TMEM169: variants seen among roughly 807,000 people sequenced by gnomAD.
TMEM169 encodes the protein transmembrane protein 169.
Under a neutral mutation model 27.3 loss-of-function variants are expected in TMEM169, and 18 were observed. The observed-to-expected ratio is 0.66, with a 90% CI of 0.46 to 0.98. The LOEUF (loss-of-function observed/expected upper bound fraction) is 0.98, where lower values mean the gene tolerates loss of function less well. Among genes scored for constraint, TMEM169 ranks in the 50% least tolerant of loss-of-function variants. TMEM169 has a pLI of 0.00. For missense variants in TMEM169, 320 were observed against 368.6 expected, an observed-to-expected ratio of 0.87 and a Z score of 1.08; for synonymous variants, 136 against 142.1, an observed-to-expected ratio of 0.96 and a Z score of 0.30.
intron 1 of TMEM169, among the ~76,000 whole-genome samples, chr2:216,094,244 A>G (rs929356272): frequency 1.3e-5 from 2 of 152,200 alleles, no homozygotes; most frequent in Non-Finnish European, 2.9e-5. Context: ...CAGTTATTTG[A>G]AAAGTGGGGA....
intron 1 of TMEM169, among the ~76,000 whole-genome samples, chr2:216,085,523 C>T (rs760119944): frequency 3.3e-5 from 5 of 152,066 alleles, no homozygotes; most frequent in Non-Finnish European, 7.3e-5. Context: ...GAGACAGTGG[C>T]CTCCTAGACC....
rs532736507 is a variant in TMEM169, at chr2:216,100,146, C to G, written c.498C>G (p.Ile166Met). ...CCCATGTGGTCCTCTGGACGCTGAT[C>G]TGCCTGCCTGTGGTTTTCATCCTTT... Reference protein sequence around the residue: ...RGPHVVLWTLICLPVVFILSF... With the variant: ...RGPHVVLWTLMCLPVVFILSF... The change falls in exon 3 of 3, where the codon ATC becomes ATG. Residue 166 changes from isoleucine to methionine, a missense_variant. Coordinates refer to ENST00000437356, the MANE Select transcript of TMEM169 (RefSeq NM_001142311.2). 14 of 1,614,170 alleles carry G rather than the reference C, an allele frequency of 8.7e-6. No homozygotes were observed. The East Asian group carries it at 1.6e-4, about 18-fold the overall frequency.
rs903363904 is a variant in TMEM169 at position 216,097,375 on chromosome 2, AC to A, written c.271+1145del. 7.2e-5 allele frequency among the ~76,000 whole-genome samples: 11 copies of A among 152,182 alleles called. No individual in the cohort carries two copies. In the East Asian group the frequency reaches 2.1e-3, roughly 29 times the overall value. On this transcript the variant is annotated intron_variant, in intron 2 of 2. Transcript: ENST00000437356. ...GTTTGAGACTGGCCAACATGGTGAA[AC>A]CCCGTCTCTACTAAAAATACAAAAA...
intron 1 of TMEM169, among the ~76,000 whole-genome samples, chr2:216,095,135 G>A (rs1353187854): frequency 1.0e-4 from 3 of 30,032 alleles, no homozygotes; most frequent in African/African-American, 6.4e-4. Flanking sequence ...ACAGAGTCTC[G>A]CTCCGTCACC....
In TMEM169 at chr2:216,102,113, A is replaced by G. The variant is rs1037789157; in HGVS notation, c.*1571A>G. On this transcript the variant is annotated 3_prime_UTR_variant, in exon 3 of 3. Coordinates refer to ENST00000437356, the MANE Select transcript of TMEM169 (RefSeq NM_001142311.2). ...GTGGTGGAGGTGGGACGAGGTGGTGATATTTAACCTAGATTAAAGACCAGG... is the reference window on the plus strand; with the variant it reads ...GTGGTGGAGGTGGGACGAGGTGGTGGTATTTAACCTAGATTAAAGACCAGG... 4.6e-5 allele frequency: 7 copies of G among 152,098 alleles called. No individual in the cohort carries two copies. The highest frequency in any genetic ancestry group is 8.8e-5 in the Non-Finnish European group (6 of 68,030). 9.4% of individuals were successfully genotyped at this position (152,098 alleles called of 1,614,324 possible).
Position 216,100,434 on chromosome 2 carries a change from G to A in TMEM169, c.786G>A (p.Leu262=). 2 of 1,613,918 alleles carry A rather than the reference G, an allele frequency of 1.2e-6. No homozygotes were observed. The highest frequency in any genetic ancestry group is 1.7e-6 in the Non-Finnish European group (2 of 1,179,996). Residue 262 remains leucine (L), a synonymous_variant, in exon 3 of 3, where the codon CTG becomes CTA. Transcript: ENST00000437356. ...FCGWLCSKLG[L]EDCSPYSIVE... Reference sequence around the variant, plus strand: ...GCTGGCTCTGCAGCAAGCTGGGTCTGGAGGACTGTTCTCCCTACAGCATTG... The same window carrying A: ...GCTGGCTCTGCAGCAAGCTGGGTCTAGAGGACTGTTCTCCCTACAGCATTG...
intron 2 of TMEM169, 46 bp downstream of exon 2, chr2:216,096,280 A>C: frequency 6.3e-7 from 1 of 1,581,580 alleles, no homozygotes; most frequent in Non-Finnish European, 8.6e-7. Context: ...GAAGGAAACC[A>C]AAAGGGCATC....
intron 1 of TMEM169, among the ~76,000 whole-genome samples, chr2:216,083,522 C>T (rs1232797545): frequency 6.6e-6 from 1 of 152,086 alleles, no homozygotes; most frequent in Non-Finnish European, 1.5e-5. Flanking sequence ...TGGTCTGGAC[C>T]TATAGATTCT....
intron 2 of TMEM169, among the ~76,000 whole-genome samples, chr2:216,098,540 T>A (rs933205720): frequency 6.6e-6 from 1 of 151,906 alleles, no homozygotes; most frequent in Non-Finnish European, 1.5e-5. Flanking sequence ...GTAAACAGAG[T>A]CCCTGCCACT....
intron 1 of TMEM169, among the ~76,000 whole-genome samples, chr2:216,095,298 G>T (rs1189642058): frequency 6.6e-6 from 1 of 151,772 alleles, no homozygotes; most frequent in African/African-American, 2.4e-5. Flanking sequence ...ATGTTGGCCA[G>T]GCTGGTCTCA....
intron 1 of TMEM169, among the ~76,000 whole-genome samples, chr2:216,085,883 A>C (rs1027354671): frequency 2.0e-5 from 3 of 149,582 alleles, no homozygotes; most frequent in Non-Finnish European, 4.5e-5. Flanking sequence ...AAAAAAAAAA[A>C]CAAAAACAAA....
chr2:216,096,012 C>G lies in TMEM169; in HGVS notation c.49C>G (p.His17Asp). 12 of 1,614,178 alleles carry G rather than the reference C, an allele frequency of 7.4e-6. No individual in the cohort carries two copies. Among genetic ancestry groups the G allele is most frequent in the Non-Finnish European group, 9.3e-6 (11 of 1,180,042 alleles). Residue 17 changes from histidine to aspartate, a missense_variant, in exon 2 of 3, where the codon CAC becomes GAC. Transcript: ENST00000437356. ...AGGCCAGGTCCAGCTTCCAAGCCCC[C>G]ACCAGGGCTCTCTCAGGAAGGCTGT... Reference protein sequence around the residue: ...VEGQVQLPSPHQGSLRKAVAA... With the variant: ...VEGQVQLPSPDQGSLRKAVAA...
intron 1 of TMEM169, among the ~76,000 whole-genome samples, chr2:216,085,590 G>A (rs1359276712): frequency 6.6e-6 from 1 of 151,854 alleles, no homozygotes; most frequent in Admixed American, 6.6e-5. Context: ...AATTATCTGG[G>A]CCGGGAGCAG....
At chr2:216,094,816 G>C (rs1181892614) in intron 1 of TMEM169, among the ~76,000 whole-genome samples, 1 of 152,196 alleles carries the variant, frequency 6.6e-6, no homozygotes, top group East Asian at 1.9e-4. Context: ...GCACTGTCCA[G>C]AACAGAAAGT....
chr2:216,101,653 A>AT lies in TMEM169; in HGVS notation c.*1121dup, dbSNP rs112724571. On this transcript the variant is annotated 3_prime_UTR_variant, in exon 3 of 3. Transcript: ENST00000437356. ...GCCACCATACCCGGCTAATTTTTGTATTTTTTTTTTAGTAGAGATGGGGTT... is the reference window on the plus strand; with the variant it reads ...GCCACCATACCCGGCTAATTTTTGTATTTTTTTTTTTAGTAGAGATGGGGTT... The AT allele has an allele frequency of 9.5e-5, 14 of 146,992 alleles. No individual in the cohort carries two copies. The highest frequency in any genetic ancestry group is 6.0e-4 in the East Asian group (3 of 4,998). 9.1% of individuals were successfully genotyped at this position (146,992 alleles called of 1,614,324 possible).
intron 1 of TMEM169, among the ~76,000 whole-genome samples, chr2:216,095,192 AT>A (rs1479743526): frequency 7.1e-6 from 1 of 140,660 alleles, no homozygotes; most frequent in Non-Finnish European, 1.5e-5. Context: ...GGCTCAAGCA[AT>A]TTTCCTGCCT....
Position 216,100,670 on chromosome 2 carries a change from A to C in TMEM169, c.*128A>C. The C allele has an allele frequency of 1.5e-6, 2 of 1,332,502 alleles. No homozygotes were observed. Among genetic ancestry groups the C allele is most frequent in the East Asian group, 2.4e-5 (1 of 40,916 alleles). 82.5% of individuals were successfully genotyped at this position (1,332,502 alleles called of 1,614,324 possible). ...TTCTGGGAAATCAGAGTCCATACTG[A>C]TCAGTTTTACCATCTTGAGGGTTCC... On this transcript the variant is annotated 3_prime_UTR_variant, in exon 3 of 3. Transcript: ENST00000437356.
chr2:216,083,598 C>T (rs908528672), intron 1 of TMEM169, among the ~76,000 whole-genome samples: 2 of 152,074 alleles, frequency 1.3e-5, no homozygotes, highest in African/African-American at 2.4e-5. Context: ...GGCTGCTGAG[C>T]GGACTGAGAG....
At chr2:216,094,789 G>T (rs1451261788) in intron 1 of TMEM169, among the ~76,000 whole-genome samples, 1 of 152,174 alleles carries the variant, frequency 6.6e-6, no homozygotes, top group Non-Finnish European at 1.5e-5. Context: ...AAAAATGAAG[G>T]ACAGATATAC....
Sources: gnomAD v4.1 joint callset for allele counts (sites outside exome capture counted in the v4.1 genomes callset) on GRCh38, gnomAD v4.1.1 for gene constraint, MANE v1.5 for transcripts, NCBI Gene and HGNC (gene_info 2026-07-23, HGNC 2026-07-21) for gene names.